The following MYO1E variants were observed in gnomAD, a reference collection of about 807,000 sequenced individuals.
MYO1E encodes the protein myosin IE, also known as unconventional myosin-Ie.
In MYO1E, 68 loss-of-function variants were observed where a neutral mutation model predicts 151.1. The ratio of observed to expected loss-of-function variants is 0.45; its 90% confidence interval spans 0.37 to 0.55. The LOEUF (loss-of-function observed/expected upper bound fraction) is 0.55. Ranked by LOEUF, MYO1E falls within the 20% of genes least tolerant of loss-of-function variation. The probability of loss-of-function intolerance (pLI) is 0.00; values close to 1 mark genes in which losing one functional copy is unlikely to be tolerated. For synonymous variants in MYO1E, 601 were observed against 501.7 expected (o/e 1.20, Z -2.64); for missense variants, 1,363 against 1,389.3 (o/e 0.98, Z 0.30).
Position 59,351,194 on chromosome 15 carries a change from C to T in MYO1E, c.3+21304G>A, listed in dbSNP as rs188992561. Among the ~76,000 whole-genome samples the T allele has an allele frequency of 2.3e-4, 35 of 152,022 alleles. No homozygotes were observed. The East Asian group carries it at 2.3e-3, about 10-fold the overall frequency. ...GATTACAGGTGTGAGCCACCGCACCCGGCCTTACTTGGTTTTTTAAGGATT... is the reference window on the plus strand; with the variant it reads ...GATTACAGGTGTGAGCCACCGCACCTGGCCTTACTTGGTTTTTTAAGGATT... On this transcript the variant is annotated intron_variant, in intron 1 of 27. Coordinates refer to ENST00000288235, the MANE Select transcript of MYO1E (RefSeq NM_004998.4).
intron 17 of MYO1E, among the ~76,000 whole-genome samples, chr15:59,194,411 CATCATCT>C (rs2079753346): frequency 6.6e-6 from 1 of 152,182 alleles, no homozygotes; most frequent in African/African-American, 2.4e-5. Context: ...AAGGATCAGG[CATCATCT>C]ATCTGCCATG....
intron 1 of MYO1E, among the ~76,000 whole-genome samples, chr15:59,300,365 ACGGC>A (rs2080474959): frequency 6.6e-6 from 1 of 151,968 alleles, no homozygotes; most frequent in African/African-American, 2.4e-5. Context: ...GCACACACAC[ACGGC>A]CATTTCTGGT....
chr15:59,355,322 C>T (rs1481015889), intron 1 of MYO1E, among the ~76,000 whole-genome samples: 1 of 152,196 alleles, frequency 6.6e-6, no homozygotes, highest in African/African-American at 2.4e-5. Flanking sequence ...CATTCCTTGT[C>T]TACAAGCCAC....
chr15:59,350,258 C>T lies in MYO1E; in HGVS notation c.3+22240G>A, dbSNP rs958312140. Among the ~76,000 whole-genome samples, 10 of 152,242 alleles carry T rather than the reference C, an allele frequency of 6.6e-5. No homozygotes were observed. The highest frequency in any genetic ancestry group is 2.4e-4 in the African/African-American group (10 of 41,460). ...CACCAGGCAGGCTCCTGCCTTTCCT[C>T]AGGGTGGAAGAGATCCACTGCTGCT... On this transcript the variant is annotated intron_variant, in intron 1 of 27. Transcript: ENST00000288235. The surrounding 1 kb of genome is among the most constrained non-coding windows in gnomAD (Gnocchi z 5.0).
chr15:59,160,356 T>C (rs1219744067), intron 24 of MYO1E, among the ~76,000 whole-genome samples: 1 of 148,108 alleles, frequency 6.8e-6, no homozygotes, highest in Non-Finnish European at 1.5e-5. Flanking sequence ...TGTGTGTGTG[T>C]GTGTGTGTGT....
At chr15:59,258,821 C>T (rs1448716512) in intron 3 of MYO1E, among the ~76,000 whole-genome samples, 4 of 151,308 alleles carry the variant, frequency 2.6e-5, no homozygotes, top group Admixed American at 6.6e-5. Flanking sequence ...CACAGCACTG[C>T]GCTTCAGCAT....
chr15:59,242,012 C>G (rs1340957899), intron 4 of MYO1E, among the ~76,000 whole-genome samples: 1 of 152,102 alleles, frequency 6.6e-6, no homozygotes, highest in African/African-American at 2.4e-5. Flanking sequence ...GGGAGTGGAG[C>G]TGGAAGGCAG....
In MYO1E at chr15:59,272,336, C is replaced by G; in HGVS notation, c.117G>C (p.Leu39=). 2 of 1,614,140 alleles carry G rather than the reference C, an allele frequency of 1.2e-6. No homozygotes were observed. The highest frequency in any genetic ancestry group is 2.7e-5 in the African/African-American group (2 of 75,050). ...TGTAGTCATCCATGTATCTCTTCTTCAGATTCTCCACGATGGAGTTCTCTG... is the reference window on the plus strand; with the variant it reads ...TGTAGTCATCCATGTATCTCTTCTTGAGATTCTCCACGATGGAGTTCTCTG... ...KITENSIVEN[L]KKRYMDDYIF... Residue 39 remains leucine (L), a synonymous_variant, in exon 2 of 28, where the codon CTG becomes CTC. Transcript: ENST00000288235.
chr15:59,359,929 C>A (rs185574218), intron 1 of MYO1E: 156 of 152,246 alleles, frequency 1.0e-3, no homozygotes, highest in African/African-American at 3.4e-3. Flanking sequence ...TTCTTTCAGT[C>A]CAATGAGCAG....
intron 5 of MYO1E, among the ~76,000 whole-genome samples, chr15:59,234,721 T>C (rs1338930003): frequency 2.0e-5 from 3 of 147,904 alleles, no homozygotes; most frequent in African/African-American, 5.0e-5. Context: ...ACTTGGGAGG[T>C]TGAGGTGGAA....
chr15:59,261,958 T>C (rs930655331), intron 2 of MYO1E, among the ~76,000 whole-genome samples: 4 of 152,020 alleles, frequency 2.6e-5, no homozygotes, highest in Non-Finnish European at 4.4e-5. Context: ...TCCCAGCACT[T>C]TGGGAGGCTG....
At chr15:59,357,806 A>G (rs1318168789) in intron 1 of MYO1E, among the ~76,000 whole-genome samples, 12 of 152,234 alleles carry the variant, frequency 7.9e-5, no homozygotes, top group African/African-American at 2.9e-4. Context: ...CTGGTTTAAA[A>G]GAAGAATTAG....
chr15:59,220,923 C>CT (rs1400422553), intron 9 of MYO1E, among the ~76,000 whole-genome samples: 2 of 28,904 alleles, frequency 6.9e-5, no homozygotes, highest in African/African-American at 1.9e-4. Flanking sequence ...GACCCCATCT[C>CT]TTAAAAAAAA....
intron 22 of MYO1E, among the ~76,000 whole-genome samples, chr15:59,164,453 C>T (rs2079553661): frequency 6.6e-6 from 1 of 152,168 alleles, no homozygotes; most frequent in Non-Finnish European, 1.5e-5. Context: ...TTTGTATATC[C>T]AGAGCCCTGC....
chr15:59,332,695 T>C (rs2080704900), intron 1 of MYO1E, among the ~76,000 whole-genome samples: 1 of 152,158 alleles, frequency 6.6e-6, no homozygotes, highest in South Asian at 2.1e-4. Flanking sequence ...AGTTCAGGAA[T>C]TGACTTTGCT....
intron 1 of MYO1E, among the ~76,000 whole-genome samples, chr15:59,338,284 C>CTTT (rs35457560): frequency 0.16 from 20,816 of 127,702 alleles, 1,980 homozygotes; most frequent in East Asian, 0.45. Flanking sequence ...TCAGTATTGA[C>CTTT]TTTTTTTTTT....
chr15:59,204,519 C>T (rs2079820889), intron 15 of MYO1E, among the ~76,000 whole-genome samples: 1 of 152,176 alleles, frequency 6.6e-6, no homozygotes, highest in South Asian at 2.1e-4. Context: ...GGCCTTGCCT[C>T]GCAAGCATGA....
At chr15:59,276,148 G>GAGAGGC (rs2080317452) in intron 1 of MYO1E, among the ~76,000 whole-genome samples, 1 of 152,170 alleles carries the variant, frequency 6.6e-6, no homozygotes. Context: ...TACCCCTGCT[G>GAGAGGC]AGAGGCAGGG....
intron 1 of MYO1E, among the ~76,000 whole-genome samples, chr15:59,354,445 A>T (rs1312141478): frequency 6.6e-6 from 1 of 152,188 alleles, no homozygotes; most frequent in Non-Finnish European, 1.5e-5. Flanking sequence ...GTGATCTTTC[A>T]TATCAGCAAA....
Sources: gnomAD v4.1 joint callset for allele counts (sites outside exome capture counted in the v4.1 genomes callset) on GRCh38, gnomAD v4.1.1 for gene constraint, Gnocchi (gnomAD v3.1) non-coding constraint, MANE v1.5 for transcripts, NCBI Gene and HGNC (gene_info 2026-07-23, HGNC 2026-07-21) for gene names.